The following SPSB4 variants were observed in gnomAD, a reference collection of about 807,000 sequenced individuals.
SPSB4 encodes the protein splA/ryanodine receptor domain and SOCS box containing 4.
Under a neutral mutation model 20.9 loss-of-function variants are expected in SPSB4, and 21 were observed. The observed-to-expected ratio is 1.01, with a 90% CI of 0.71 to 1.45. The LOEUF (loss-of-function observed/expected upper bound fraction) is 1.45, where lower values mean the gene tolerates loss of function less well. Ranked by LOEUF, SPSB4 falls within the 40% of genes most tolerant of loss-of-function variation. The probability of loss-of-function intolerance (pLI) is 0.00; values close to 1 mark genes in which losing one functional copy is unlikely to be tolerated. For missense variants in SPSB4, 399 were observed against 399.2 expected (o/e 1.00, Z 0.00); for synonymous variants, 207 against 183.8 (o/e 1.13, Z -1.02).
Position 141,066,788 on chromosome 3 carries a change from C to CGTGTGG in SPSB4, c.685_686insTGTGGG (p.Asn228_Gly229insValTrp), listed in dbSNP as rs1937895158. The CGTGTGG allele has an allele frequency of 1.3e-6, 2 of 1,543,822 alleles. No individual in the cohort carries two copies. On this transcript the variant is annotated inframe_insertion, in exon 2 of 3. Coordinates refer to ENST00000310546, the MANE Select transcript of SPSB4 (RefSeq NM_080862.3). ...GTGAAGTCACCATGCGCTACATCAA[C>CGTGTGG]GGCCTTGACCGTAAGTTGTGCTGGG...
chr3:141,092,737 C>T (rs960096559), intron 2 of SPSB4, among the ~76,000 whole-genome samples: 12 of 152,214 alleles, frequency 7.9e-5, no homozygotes, highest in African/African-American at 2.9e-4. Flanking sequence ...TGTCCCAAGG[C>T]AGGGAACGAG....
intron 2 of SPSB4, among the ~76,000 whole-genome samples, chr3:141,075,649 A>C (rs1938090972): frequency 6.6e-6 from 1 of 152,114 alleles, no homozygotes; most frequent in African/African-American, 2.4e-5. Context: ...GATGATGCTG[A>C]TGAAGATGTA....
chr3:141,079,907 G>C (rs2107786038), intron 2 of SPSB4, among the ~76,000 whole-genome samples: 1 of 152,288 alleles, frequency 6.6e-6, no homozygotes, highest in African/African-American at 2.4e-5. Context: ...ATGGCTGGCA[G>C]GGCTGGGGAT....
chr3:141,092,008 A>T (rs999179332), intron 2 of SPSB4, among the ~76,000 whole-genome samples: 2 of 152,204 alleles, frequency 1.3e-5, no homozygotes, highest in African/African-American at 4.8e-5. Context: ...TCAGTGTAAC[A>T]TGGAACACAG....
In SPSB4 at chr3:141,121,818, C is replaced by T. The variant is rs902823703; in HGVS notation, c.695-25324C>T. On this transcript the variant is annotated intron_variant, in intron 2 of 2. Transcript: ENST00000310546. ...TATTCTAGTTAGCCATTTGTCTAAC[C>T]TTTCTTCAAGGTTTTTAGCTTCCTT... 2.0e-5 allele frequency among the ~76,000 whole-genome samples: 3 copies of T among 152,124 alleles called. No homozygotes were observed. In the East Asian group the frequency reaches 5.8e-4, roughly 29 times the overall value.
rs1938310730 is a variant in SPSB4 at position 141,084,779 on chromosome 3, CTTCTAT to C, written c.694+17982_694+17987del. ...TTCTGCACTACGGCAGCTGCTGGAGCTTCTATAGCTCAGAATGTCTGACCCCTCCAG... is the reference window on the plus strand; with the variant it reads ...TTCTGCACTACGGCAGCTGCTGGAGCAGCTCAGAATGTCTGACCCCTCCAG... On this transcript the variant is annotated intron_variant, in intron 2 of 2. Transcript: ENST00000310546. 2.0e-5 allele frequency among the ~76,000 whole-genome samples: 3 copies of C among 152,352 alleles called. No individual in the cohort carries two copies. The East Asian group carries it at 5.8e-4, about 29-fold the overall frequency.
intron 2 of SPSB4, among the ~76,000 whole-genome samples, chr3:141,079,761 TAAGG>T (rs1156653800): frequency 6.6e-6 from 1 of 152,134 alleles, no homozygotes; most frequent in Admixed American, 6.5e-5. Flanking sequence ...GAGAATATGA[TAAGG>T]GAGGGAGGTC....
intron 2 of SPSB4, among the ~76,000 whole-genome samples, chr3:141,101,823 A>C (rs900095662): frequency 1.3e-5 from 2 of 152,214 alleles, no homozygotes; most frequent in Admixed American, 1.3e-4. Flanking sequence ...AACTAGTCAT[A>C]ATAGGTTCTG....
At chr3:141,088,445 C>T (rs1442296347) in intron 2 of SPSB4, among the ~76,000 whole-genome samples, 2 of 152,184 alleles carry the variant, frequency 1.3e-5, no homozygotes, top group East Asian at 1.9e-4. Flanking sequence ...TGCCTCTATC[C>T]CCACTTCCTA....
chr3:141,095,243 A>C (rs79635224), intron 2 of SPSB4, among the ~76,000 whole-genome samples: 14,987 of 152,058 alleles, frequency 0.099, 1,445 homozygotes, highest in African/African-American at 0.25. Flanking sequence ...TGTGCTGCCG[A>C]GACTGCGGAG....
chr3:141,081,577 T>A (rs2107786916), intron 2 of SPSB4, among the ~76,000 whole-genome samples: 1 of 148,786 alleles, frequency 6.7e-6, no homozygotes, highest in African/African-American at 2.5e-5. Flanking sequence ...TGGTGGGGGG[T>A]AGCCACTGAC....
At chr3:141,130,481 T>C (rs1210268867) in intron 2 of SPSB4, among the ~76,000 whole-genome samples, 1 of 152,226 alleles carries the variant, frequency 6.6e-6, no homozygotes, top group Non-Finnish European at 1.5e-5. Flanking sequence ...AAACAAACAG[T>C]GCTCAGGTCT....
At chr3:141,114,402 T>C (rs537004637) in intron 2 of SPSB4, among the ~76,000 whole-genome samples, 6 of 152,326 alleles carry the variant, frequency 3.9e-5, no homozygotes, top group Admixed American at 6.5e-5. Context: ...CTATGGGTAA[T>C]TGACGAAACA....
At position 141,147,186 on chromosome 3, in the gene SPSB4, T is replaced by G; in HGVS notation, c.739T>G (p.Ser247Ala). 1 of 1,614,198 alleles carries G rather than the reference T, an allele frequency of 6.2e-7. No homozygotes were observed. Among genetic ancestry groups the G allele is most frequent in the Non-Finnish European group, 8.5e-7 (1 of 1,180,032 alleles). The stretch of plus-strand genomic sequence containing the variant: ...GGACCTGTGCCGGAGATCCATCCGC[T>G]CGGCCCTGGGCCGCCAGCGCCTGCA... ...LMDLCRRSIRSALGRQRLQDI... is the reference protein window; with the variant it reads ...LMDLCRRSIRAALGRQRLQDI... Residue 247 changes from serine to alanine, a missense_variant, in exon 3 of 3, where the codon TCG (serine) becomes GCG (alanine). Physicochemically the swap from Ser to Ala is moderately conservative, Grantham distance 99. Coordinates refer to ENST00000310546, the MANE Select transcript of SPSB4 (RefSeq NM_080862.3).
intron 2 of SPSB4, among the ~76,000 whole-genome samples, chr3:141,113,822 G>A (rs898628656): frequency 5.3e-5 from 8 of 152,308 alleles, no homozygotes; most frequent in South Asian, 2.1e-4. Flanking sequence ...TTGGCCGAGC[G>A]TGGTGGCTCA....
intron 2 of SPSB4, among the ~76,000 whole-genome samples, chr3:141,138,818 T>A (rs990555629): frequency 6.6e-6 from 1 of 152,190 alleles, no homozygotes; most frequent in Non-Finnish European, 1.5e-5. Flanking sequence ...TCTGTTGATT[T>A]GGGGTGGAGA....
intron 2 of SPSB4, among the ~76,000 whole-genome samples, chr3:141,120,555 T>C (rs531213101): frequency 1.8e-4 from 28 of 152,330 alleles, no homozygotes; most frequent in Non-Finnish European, 2.2e-4. Context: ...TAAGTCTCTT[T>C]GTAGATCTCT....
chr3:141,112,877 C>A (rs1159384368), intron 2 of SPSB4, among the ~76,000 whole-genome samples: 2 of 152,002 alleles, frequency 1.3e-5, no homozygotes, highest in African/African-American at 4.8e-5. Context: ...CAGCAAGTGG[C>A]CCAAGTAGAG....
At chr3:141,118,113 C>T (rs1938908581) in intron 2 of SPSB4, among the ~76,000 whole-genome samples, 1 of 152,218 alleles carries the variant, frequency 6.6e-6, no homozygotes, top group African/African-American at 2.4e-5. Context: ...AATTTACACT[C>T]CCACCAATGG....
Sources: gnomAD v4.1 joint callset for allele counts (sites outside exome capture counted in the v4.1 genomes callset) on GRCh38, gnomAD v4.1.1 for gene constraint, MANE v1.5 for transcripts, NCBI Gene and HGNC (gene_info 2026-07-23, HGNC 2026-07-21) for gene names.